Variants in PITPNC1 observed in about 807,000 individuals in gnomAD.
PITPNC1 encodes phosphatidylinositol transfer protein cytoplasmic 1, also known as cytoplasmic phosphatidylinositol transfer protein 1.
PITPNC1 carries 18 observed loss-of-function variants against 44.7 expected under a neutral mutation model. The ratio of observed to expected loss-of-function variants is 0.40; its 90% confidence interval spans 0.28 to 0.60. The LOEUF (loss-of-function observed/expected upper bound fraction) is 0.60, where lower values mean the gene tolerates loss of function less well. Ranked by LOEUF, PITPNC1 falls within the 20% of genes least tolerant of loss-of-function variation. The pLI is 0.39. For missense variants in PITPNC1, 290 were observed against 418.4 expected, an observed-to-expected ratio of 0.69 and a Z score of 2.68; for synonymous variants, 141 against 149.6, an observed-to-expected ratio of 0.94 and a Z score of 0.42.
At chr17:67,458,028 A>G (rs538085202) in intron 1 of PITPNC1, among the ~76,000 whole-genome samples, 4 of 152,256 alleles carry the variant, frequency 2.6e-5, no homozygotes, top group South Asian at 2.1e-4. Flanking sequence ...CCACTGCTGC[A>G]GGAGGTAGGA....
chr17:67,596,235 TG>T, intron 5 of PITPNC1, among the ~76,000 whole-genome samples: 1 of 152,310 alleles, frequency 6.6e-6, no homozygotes, highest in East Asian at 1.9e-4. Context: ...TTTCGATCTA[TG>T]GGTGAAGCTT....
rs150301217 is a variant in PITPNC1, at chr17:67,661,764, C to T, written c.463-7744C>T. Among the ~76,000 whole-genome samples, 1,107 of 152,094 alleles carry T rather than the reference C, an allele frequency of 7.3e-3. 10 individuals are homozygous for T. Among genetic ancestry groups the T allele is most frequent in the African/African-American group, 0.024 (987 of 41,466 alleles). On this transcript the variant is annotated intron_variant, in intron 6 of 8. Coordinates refer to ENST00000581322, the MANE Select transcript of PITPNC1 (RefSeq NM_012417.4). ...CTGTAATCCCAGCACTTTGGGAGGC[C>T]GAGGCAAGCGGATCACGAGGTCAGG...
At chr17:67,490,591 G>T (rs1191318222) in intron 1 of PITPNC1, among the ~76,000 whole-genome samples, 2 of 152,094 alleles carry the variant, frequency 1.3e-5, no homozygotes, top group Non-Finnish European at 2.9e-5. Flanking sequence ...CTCCCCGCAG[G>T]CAGGGGACTG....
At chr17:67,591,015 A>G (rs2041384707) in intron 5 of PITPNC1, among the ~76,000 whole-genome samples, 1 of 152,170 alleles carries the variant, frequency 6.6e-6, no homozygotes, top group Non-Finnish European at 1.5e-5. Context: ...GGTGTATACC[A>G]CCTTAACCAA....
chr17:67,611,531 T>G (rs1251708296), intron 5 of PITPNC1: 2 of 152,318 alleles, frequency 1.3e-5, no homozygotes, highest in African/African-American at 4.8e-5. Flanking sequence ...TGGAGTGCAG[T>G]GGCGTGACCT....
chr17:67,623,598 G>T (rs1257261124), intron 5 of PITPNC1, among the ~76,000 whole-genome samples: 1 of 152,126 alleles, frequency 6.6e-6, no homozygotes, highest in African/African-American at 2.4e-5. Context: ...TGACCAGGCT[G>T]GTCTGGAACT....
intron 1 of PITPNC1, chr17:67,459,632 CTTAAT>C (rs2143969234): frequency 6.6e-6 from 1 of 152,284 alleles, no homozygotes; most frequent in East Asian, 1.9e-4. Context: ...CCTACGTTAT[CTTAAT>C]TTGTTGCCAT....
intron 5 of PITPNC1, among the ~76,000 whole-genome samples, chr17:67,621,597 A>G (rs936425707): frequency 4.6e-5 from 7 of 152,210 alleles, no homozygotes; most frequent in African/African-American, 7.2e-5. Context: ...TCTCCACAAA[A>G]TCATAGCCCC....
intron 5 of PITPNC1, among the ~76,000 whole-genome samples, chr17:67,618,502 G>A (rs867867763): frequency 6.6e-6 from 1 of 151,884 alleles, no homozygotes; most frequent in Non-Finnish European, 1.5e-5. Flanking sequence ...TGTAATCCCA[G>A]TACTTTGGGA....
chr17:67,549,180 G>A (rs931311070), intron 2 of PITPNC1, among the ~76,000 whole-genome samples: 3 of 152,144 alleles, frequency 2.0e-5, no homozygotes, highest in South Asian at 2.1e-4. Context: ...CAGGCCGGGC[G>A]CGGTGGTTCA....
chr17:67,526,431 C>T (rs932003615), intron 1 of PITPNC1, among the ~76,000 whole-genome samples: 6 of 152,150 alleles, frequency 3.9e-5, no homozygotes, highest in African/African-American at 1.2e-4. Context: ...ATTCAAGGTT[C>T]AAGATTAAAT....
At chr17:67,648,583 G>A (rs1428236738) in intron 6 of PITPNC1, among the ~76,000 whole-genome samples, 1 of 152,190 alleles carries the variant, frequency 6.6e-6, no homozygotes, top group Non-Finnish European at 1.5e-5. Flanking sequence ...ATGTTAGGGA[G>A]ACAGCTCTTG....
intron 5 of PITPNC1, among the ~76,000 whole-genome samples, chr17:67,582,982 C>T (rs1206459222): frequency 6.6e-6 from 1 of 152,184 alleles, no homozygotes; most frequent in African/African-American, 2.4e-5. Context: ...AAAGCAGGCA[C>T]CATTTAAAGC....
chr17:67,550,088 ACAT>A (rs1307803120), intron 2 of PITPNC1, among the ~76,000 whole-genome samples: 2 of 152,206 alleles, frequency 1.3e-5, no homozygotes, highest in Non-Finnish European at 2.9e-5. Flanking sequence ...TGGATGGAAT[ACAT>A]CATCAGCGAA....
intron 6 of PITPNC1, chr17:67,638,953 A>T (rs2144346667): frequency 6.6e-6 from 1 of 152,134 alleles, no homozygotes; most frequent in East Asian, 1.9e-4. Flanking sequence ...TCTACAAAAA[A>T]AAAATAAAAA....
intron 5 of PITPNC1, among the ~76,000 whole-genome samples, chr17:67,579,630 T>C (rs916999630): frequency 2.7e-5 from 4 of 146,772 alleles, no homozygotes; most frequent in Admixed American, 1.3e-4. Flanking sequence ...TTTTTTTTTT[T>C]TTTTTTTTTT....
At chr17:67,510,748 A>G (rs969826974) in intron 1 of PITPNC1, among the ~76,000 whole-genome samples, 1 of 151,842 alleles carries the variant, frequency 6.6e-6, no homozygotes, top group Non-Finnish European at 1.5e-5. Context: ...ACAGGCACTC[A>G]CCACCATGCC....
intron 5 of PITPNC1, among the ~76,000 whole-genome samples, chr17:67,607,943 T>G (rs1277003618): frequency 1.3e-5 from 2 of 152,196 alleles, no homozygotes; most frequent in Middle Eastern, 3.4e-3. Context: ...TTGGCCAGGC[T>G]AGTCTCAAAC....
At position 67,676,919 on chromosome 17, in the gene PITPNC1, C is replaced by A. The variant is rs918222453; in HGVS notation, c.682+1377C>A. On this transcript the variant is annotated intron_variant, in intron 8 of 8. Coordinates refer to ENST00000581322, the MANE Select transcript of PITPNC1 (RefSeq NM_012417.4). This position sits in a 1 kb window ranked among gnomAD's most constrained non-coding sequence, Gnocchi z 4.0. The stretch of plus-strand genomic sequence containing the variant: ...TTCCTGGGTTTGTCCAAATGCAGAT[C>A]ATTTATGCTCTCTTATCACACACCC... Among the ~76,000 whole-genome samples the A allele has an allele frequency of 4.0e-5, 6 of 151,802 alleles. No individual in the cohort carries two copies. Among genetic ancestry groups the A allele is most frequent in the Admixed American group, 6.6e-5 (1 of 15,192 alleles).
Sources: allele counts gnomAD v4.1 joint callset (sites outside exome capture counted in the v4.1 genomes callset), GRCh38; gene constraint gnomAD v4.1.1; non-coding constraint Gnocchi (gnomAD v3.1); transcripts MANE v1.5; gene names NCBI Gene and HGNC (gene_info 2026-07-23, HGNC 2026-07-21).